AADACL3: variants seen among roughly 807,000 people sequenced by gnomAD.
AADACL3 encodes arylacetamide deacetylase like 3.
A neutral mutation model predicts 13.6 loss-of-function variants in AADACL3; 13 were observed. The observed-to-expected ratio is 0.95, with a 90% CI of 0.62 to 1.52. The LOEUF is 1.52. Ranked by LOEUF, AADACL3 falls within the 40% of genes most tolerant of loss-of-function variation. The probability of loss-of-function intolerance (pLI) is 0.00; values close to 1 mark genes in which losing one functional copy is unlikely to be tolerated. For synonymous variants in AADACL3, 195 were observed against 197.0 expected, an observed-to-expected ratio of 0.99 and a Z score of 0.08; for missense variants, 519 against 499.2, an observed-to-expected ratio of 1.04 and a Z score of -0.38.
At position 12,725,427 on chromosome 1, in the gene AADACL3, A is replaced by T; in HGVS notation, c.655A>T (p.Ile219Phe). Reference protein sequence around the residue: ...RPDLPRIRAQILIYAILQALD... With the variant: ...RPDLPRIRAQFLIYAILQALD... The stretch of plus-strand genomic sequence containing the variant: ...AGATCTGCCCCGGATCCGGGCTCAG[A>T]TCCTGATCTATGCCATTCTCCAAGC... The change falls in exon 4 of 4, where the codon ATC becomes TTC. Residue 219 changes from isoleucine (I) to phenylalanine (F), a missense_variant. Physicochemically the swap from Ile to Phe is conservative, Grantham distance 21. Transcript: ENST00000359318. The T allele has an allele frequency of 6.2e-7, 1 of 1,613,924 alleles. No homozygotes were observed. The highest frequency in any genetic ancestry group is 8.5e-7 in the Non-Finnish European group (1 of 1,179,948).
In AADACL3 at chr1:12,719,664, G is replaced by T. The variant is rs200874855; in HGVS notation, c.358G>T (p.Gly120Cys). Residue 120 changes from glycine to cysteine, a missense_variant, in exon 2 of 4, where the codon GGT becomes TGT. By Grantham distance (159) the Gly-to-Cys change is radical. Coordinates refer to ENST00000359318, the MANE Select transcript of AADACL3 (RefSeq NM_001103170.3). ...GAAGCCTGGCATCGTGTACTACCAC[G>T]GTGGCGGGGGCGTCATGGGGAGTTT... ...TLKPGIVYYH[G>C]GGGVMGSLKT... 25 of 1,614,006 alleles carry T rather than the reference G, an allele frequency of 1.5e-5. No individual in the cohort carries two copies. In the African/African-American group the frequency reaches 3.3e-4, roughly 22 times the overall value.
chr1:12,724,511 G>T (rs887273400), intron 3 of AADACL3, among the ~76,000 whole-genome samples: 3 of 151,980 alleles, frequency 2.0e-5, no homozygotes, highest in Non-Finnish European at 4.4e-5. Context: ...TTGAGACAGG[G>T]TCTCACTCTG....
chr1:12,725,223 T>TA lies in AADACL3; in HGVS notation c.452dup (p.Tyr151Ter), dbSNP rs1453502659. ...ESDSVVLAVG[Y>*]RKLPKHKFPV... ...CTGTGTTTCTTGATTCCTTTTTAGT[T>TA]ACCGCAAGTTACCTAAGCATAAGTT... The change falls in exon 4 of 4, where the codon TAC becomes TAAC. Residue 151 changes from tyrosine to a stop codon, truncating the protein, a stop_gained and frameshift_variant and splice_region_variant. Transcript: ENST00000359318. LOFTEE classifies it low-confidence loss of function (END_TRUNC). 1.3e-6 allele frequency: 2 copies of TA among 1,592,026 alleles called. No homozygotes were observed. Among genetic ancestry groups the TA allele is most frequent in the South Asian group, 2.3e-5 (2 of 87,270 alleles).
chr1:12,725,304 G>A lies in AADACL3; in HGVS notation c.532G>A (p.Asp178Asn). Residue 178 changes from aspartate (D) to asparagine (N), a missense_variant, in exon 4 of 4, where the codon GAT becomes AAT. Asp to Asn is a conservative substitution (Grantham distance 23). Coordinates refer to ENST00000359318, the MANE Select transcript of AADACL3 (RefSeq NM_001103170.3). ...CACCATCCACTTCCTGAAGTCCCTG[G>A]ATGCATATGGAGTGGATCCAGCCCG... is the stretch of plus-strand genomic sequence containing the variant. ...VATIHFLKSL[D>N]AYGVDPARVV... 4.3e-6 allele frequency: 7 copies of A among 1,614,144 alleles called. No individual in the cohort carries two copies. Among genetic ancestry groups the A allele is most frequent in the Non-Finnish European group, 5.1e-6 (6 of 1,180,022 alleles).
intron 3 of AADACL3, among the ~76,000 whole-genome samples, chr1:12,724,838 G>GC: frequency 6.6e-6 from 1 of 152,276 alleles, no homozygotes; most frequent in African/African-American, 2.4e-5. Flanking sequence ...TGTAGGTATG[G>GC]CATGATTAAT....
chr1:12,726,329 A>ACC lies in AADACL3; in HGVS notation c.*333_*334insCC. 1 of 299,894 alleles carries ACC rather than the reference A, an allele frequency of 3.3e-6. No individual in the cohort carries two copies. Among genetic ancestry groups the ACC allele is most frequent in the Non-Finnish European group, 6.2e-6 (1 of 161,594 alleles). 18.6% of individuals were successfully genotyped at this position (299,894 alleles called of 1,614,324 possible). On this transcript the variant is annotated 3_prime_UTR_variant, in exon 4 of 4. Coordinates refer to ENST00000359318, the MANE Select transcript of AADACL3 (RefSeq NM_001103170.3). ...TCCCTAAGGGGCAGTTCAGGCTCCCAGATTGATCCAGACTGTGTGTGACTT... is the reference window on the plus strand; with the variant it reads ...TCCCTAAGGGGCAGTTCAGGCTCCCACCGATTGATCCAGACTGTGTGTGACTT...
At chr1:12,721,142 C>T (rs1296936648) in intron 3 of AADACL3, among the ~76,000 whole-genome samples, 196 bp downstream of exon 3, 1 of 152,092 alleles carries the variant, frequency 6.6e-6, no homozygotes, top group Admixed American at 6.5e-5. Context: ...GTGGCTCACG[C>T]CTGTAATCCC....
chr1:12,717,349 C>T (rs531304554), intron 1 of AADACL3, among the ~76,000 whole-genome samples: 4 of 152,190 alleles, frequency 2.6e-5, no homozygotes, highest in Non-Finnish European at 5.9e-5. Flanking sequence ...CTCCCAAATA[C>T]AGTGACTCGA....
In AADACL3 at chr1:12,727,786, A is replaced by G. The variant is rs1638399673; in HGVS notation, c.*1790A>G. ...AACTGTTGAAAGGCACTGGAGTCCA[A>G]TGGGTGAGGCCGCCTCTGAGACAAG... On this transcript the variant is annotated 3_prime_UTR_variant, in exon 4 of 4. Coordinates refer to ENST00000359318, the MANE Select transcript of AADACL3 (RefSeq NM_001103170.3). The G allele has an allele frequency of 6.6e-6, 1 of 152,256 alleles. No individual in the cohort carries two copies. Among genetic ancestry groups the G allele is most frequent in the Admixed American group, 6.5e-5 (1 of 15,282 alleles). The allele number at this position is 152,256 out of a possible 1,614,324, so 9.4% of individuals were successfully genotyped here. A position where few individuals can be genotyped will look rare whatever the true frequency, so the allele number is the denominator to read the frequency against.
chr1:12,719,588 T>A lies in AADACL3; in HGVS notation c.282T>A (p.Phe94Leu). The A allele has an allele frequency of 6.2e-7, 1 of 1,614,140 alleles. No individual in the cohort carries two copies. Among genetic ancestry groups the A allele is most frequent in the Non-Finnish European group, 8.5e-7 (1 of 1,179,968 alleles). Residue 94 changes from phenylalanine (F) to leucine (L), a missense_variant, in exon 2 of 4, where the codon TTT (phenylalanine) becomes TTA (leucine). Coordinates refer to ENST00000359318, the MANE Select transcript of AADACL3 (RefSeq NM_001103170.3). ...ATGTTGTGGTCACGGATTTCCGCTTTGGGACAATCCCTGTGAAGCTGTACC... is the reference window on the plus strand; with the variant it reads ...ATGTTGTGGTCACGGATTTCCGCTTAGGGACAATCCCTGTGAAGCTGTACC... Reference protein sequence around the residue: ...DPDVVVTDFRFGTIPVKLYQP... With the variant: ...DPDVVVTDFRLGTIPVKLYQP...
chr1:12,722,945 A>G (rs1180447711), intron 3 of AADACL3, among the ~76,000 whole-genome samples: 4 of 152,234 alleles, frequency 2.6e-5, no homozygotes, highest in African/African-American at 7.2e-5. Context: ...TGATATAGAC[A>G]GAATCAAGCT....
chr1:12,716,418 G>A (rs1349950360), intron 1 of AADACL3, 74 bp downstream of exon 1: 4 of 1,589,790 alleles, frequency 2.5e-6, no homozygotes, highest in Non-Finnish European at 3.5e-6. Context: ...CACACCGGAA[G>A]CTTCTAGCTG....
intron 1 of AADACL3, among the ~76,000 whole-genome samples, chr1:12,718,052 T>C (rs985694059): frequency 6.6e-6 from 1 of 152,186 alleles, no homozygotes; most frequent in African/African-American, 2.4e-5. Context: ...CGAAAACTCA[T>C]GTATTCTCCT....
chr1:12,724,035 C>T (rs913087305), intron 3 of AADACL3, among the ~76,000 whole-genome samples: 5 of 149,768 alleles, frequency 3.3e-5, no homozygotes, highest in Admixed American at 6.6e-5. Context: ...CCACCTGCCT[C>T]GGCCTCCCAA....
At chr1:12,723,309 A>G (rs1638304114) in intron 3 of AADACL3, among the ~76,000 whole-genome samples, 1 of 152,230 alleles carries the variant, frequency 6.6e-6, no homozygotes, top group South Asian at 2.1e-4. Flanking sequence ...GATGGTGGTC[A>G]TTCTGGTGGT....
chr1:12,716,143 G>A lies in AADACL3; in HGVS notation c.-34G>A. The A allele has an allele frequency of 1.5e-6, 1 of 684,746 alleles. No homozygotes were observed. The highest frequency in any genetic ancestry group is 2.6e-6 in the Non-Finnish European group (1 of 379,488). 42.4% of individuals were successfully genotyped at this position (684,746 alleles called of 1,614,324 possible). A position where few individuals can be genotyped will look rare whatever the true frequency, so the allele number is the denominator to read the frequency against. On this transcript the variant is annotated 5_prime_UTR_variant, in exon 1 of 4. Transcript: ENST00000359318. Reference sequence around the variant, plus strand: ...TCCTAAATGGTTTACACTGCGCACAGCTTCCTCTCAGCCCGCTCTGAGCTG... The same window carrying A: ...TCCTAAATGGTTTACACTGCGCACAACTTCCTCTCAGCCCGCTCTGAGCTG...
rs575023574 is a variant in AADACL3 at position 12,724,583 on chromosome 1, C to T, written c.450-639C>T. Among the ~76,000 whole-genome samples, 6 of 152,200 alleles carry T rather than the reference C, an allele frequency of 3.9e-5. No homozygotes were observed. In the East Asian group the frequency reaches 1.2e-3, roughly 29 times the overall value. ...CACTGCAGCCTCAACCTCCCAGGCC[C>T]AAGTGATCCACCTGCCTCACCCTCC... On this transcript the variant is annotated intron_variant, in intron 3 of 3. Transcript: ENST00000359318.
chr1:12,719,980 T>C (rs1233857716), intron 2 of AADACL3, among the ~76,000 whole-genome samples: 4 of 152,256 alleles, frequency 2.6e-5, no homozygotes, highest in Non-Finnish European at 5.9e-5. Context: ...CATTTATATG[T>C]GTACATATGT....
rs1284284468 is a variant in AADACL3, at chr1:12,719,564, T to A, written c.258T>A (p.Asp86Glu). ...TGCCTCCGCTAAAGTATGACCCCGATGTTGTGGTCACGGATTTCCGCTTTG... is the reference window on the plus strand; with the variant it reads ...TGCCTCCGCTAAAGTATGACCCCGAAGTTGTGGTCACGGATTTCCGCTTTG... ...QDLPPLKYDP[D>E]VVVTDFRFGT... The change falls in exon 2 of 4, where the codon GAT becomes GAA. Residue 86 changes from aspartate (D) to glutamate (E), a missense_variant. By Grantham distance (45) the Asp-to-Glu change is conservative (BLOSUM62 2). Transcript: ENST00000359318. 6.2e-7 allele frequency: 1 copy of A among 1,613,982 alleles called. No homozygotes were observed. The highest frequency in any genetic ancestry group is 8.5e-7 in the Non-Finnish European group (1 of 1,179,830).
Sources: allele counts gnomAD v4.1 joint callset (sites outside exome capture counted in the v4.1 genomes callset), GRCh38; gene constraint gnomAD v4.1.1; transcripts MANE v1.5; gene names NCBI Gene and HGNC (gene_info 2026-07-23, HGNC 2026-07-21).